Variants in JAKMIP3 observed in about 807,000 individuals in gnomAD.
The protein encoded by JAKMIP3 is janus kinase and microtubule-interacting protein 3.
In JAKMIP3, 58 loss-of-function variants were observed where a neutral mutation model predicts 118.5. The observed-to-expected ratio is 0.49, with a 90% CI of 0.40 to 0.61. The LOEUF (loss-of-function observed/expected upper bound fraction) is 0.61, where lower values mean the gene tolerates loss of function less well. Ranked by LOEUF, JAKMIP3 falls within the 20% of genes least tolerant of loss-of-function variation. The probability of loss-of-function intolerance (pLI) is 0.00; values close to 1 mark genes in which losing one functional copy is unlikely to be tolerated. For synonymous variants in JAKMIP3, 486 were observed against 451.2 expected, an observed-to-expected ratio of 1.08 and a Z score of -0.98; for missense variants, 950 against 1,109.0, an observed-to-expected ratio of 0.86 and a Z score of 2.04.
upstream of JAKMIP3, among the ~76,000 whole-genome samples, chr10:132,063,884 G>A (rs543276399): frequency 6.6e-6 from 1 of 152,164 alleles, no homozygotes; most frequent in Non-Finnish European, 1.5e-5. Flanking sequence ...TGGTATCTAC[G>A]CTTTCAGGCT....
At chr10:132,170,058 A>C (rs2059334929) in intron 23 of JAKMIP3, 1 of 152,288 alleles carries the variant, frequency 6.6e-6, no homozygotes, top group Admixed American at 6.5e-5. Flanking sequence ...GCAGAGGTTC[A>C]TTCTAGAAGG....
chr10:132,093,510 G>A (rs936302967), intron 1 of JAKMIP3, among the ~76,000 whole-genome samples: 6 of 152,162 alleles, frequency 3.9e-5, no homozygotes, highest in Admixed American at 3.9e-4. Context: ...AATGAGCGAG[G>A]CTCCGTGGGC....
intron 1 of JAKMIP3, among the ~76,000 whole-genome samples, chr10:132,040,225 C>T (rs2037687846): frequency 6.6e-6 from 1 of 152,204 alleles, no homozygotes; most frequent in Non-Finnish European, 1.5e-5. Flanking sequence ...GGGCTCTCTC[C>T]ACAGGGCACA....
intron 1 of JAKMIP3, among the ~76,000 whole-genome samples, chr10:132,087,692 T>C (rs2042570330): frequency 6.6e-6 from 1 of 151,838 alleles, no homozygotes; most frequent in Admixed American, 6.6e-5. Context: ...AGTGTGTCCA[T>C]TGTTTCCTGA....
chr10:132,134,945 A>ACGGCAGCGTTTTTGTTC, intron 4 of JAKMIP3, 96 bp from the exon 5 acceptor site: 1 of 1,466,452 alleles, frequency 6.8e-7, no homozygotes, highest in Middle Eastern at 1.9e-4. Flanking sequence ...CGCGCGTCCC[A>ACGGCAGCGTTTTTGTTC]CGGCAGCGTT....
rs771434869 is a variant in JAKMIP3, at chr10:132,145,127, C to T, written c.1623C>T (p.Ala541=). The change falls in exon 12 of 24, where the codon GCC becomes GCT. Residue 541 remains alanine (A), a synonymous_variant. Coordinates refer to ENST00000684848, the MANE Select transcript of JAKMIP3 (RefSeq NM_001323087.2). The stretch of plus-strand genomic sequence containing the variant: ...TACAGACCCGTGAGCAGCTACAAGC[C>T]GAAGTGCAGAGGGCACAGGCGCGGA... The part of the protein sequence containing the change: ...REVKTREQLQ[A]EVQRAQARIE... 61 of 1,612,298 alleles carry T rather than the reference C, an allele frequency of 3.8e-5. No homozygotes were observed. The highest frequency in any genetic ancestry group is 1.7e-4 in the Admixed American group (10 of 59,954).
intron 1 of JAKMIP3, among the ~76,000 whole-genome samples, chr10:132,039,361 G>A (rs1388756423): frequency 3.5e-5 from 5 of 141,756 alleles, no homozygotes; most frequent in Non-Finnish European, 4.6e-5. Context: ...CCAGGCCCCC[G>A]TCTGCCCTGC....
chr10:132,071,883 T>TCTTTCTTTCCTTTCTTTCTTTCCTTC lies in JAKMIP3; in HGVS notation c.-138+5842_-138+5843insTCCTTCCTTTCTTTCCTTTCTTTCTT, dbSNP rs2039977619. On this transcript the variant is annotated intron_variant, in intron 1 of 23. Transcript: ENST00000684848. Reference sequence around the variant, plus strand: ...CTTTCCTTTCTTTCTTTCCTTCCTTTCTTTCTTTCCTTTCTTTCTTCCCTT... The same window carrying TCTTTCTTTCCTTTCTTTCTTTCCTTC: ...CTTTCCTTTCTTTCTTTCCTTCCTTTCTTTCTTTCCTTTCTTTCTTTCCTTCCTTTCTTTCCTTTCTTTCTTCCCTT... Among the ~76,000 whole-genome samples the TCTTTCTTTCCTTTCTTTCTTTCCTTC allele has an allele frequency of 3.8e-4, 15 of 39,214 alleles. No individual in the cohort carries two copies. The South Asian group carries it at 9.1e-3, about 24-fold the overall frequency. 25.7% of individuals were successfully genotyped at this position (39,214 alleles called of 152,430 possible). A position where few individuals can be genotyped will look rare whatever the true frequency, so the allele number is the denominator to read the frequency against.
In JAKMIP3 at chr10:132,117,444, T is replaced by C. The variant is rs1016145065; in HGVS notation, c.503T>C (p.Val168Ala). ...GAGCTCAAGGGCGCCAAAAGGCAGG[T>C]GGAGGAGGCGCTGACGCTGGTGATC... ...ISELKGAKRQ[V>A]EEALTLVIQA... Residue 168 changes from valine (V) to alanine (A), a missense_variant, in exon 3 of 24, where the codon GTG becomes GCG. Coordinates refer to ENST00000684848, the MANE Select transcript of JAKMIP3 (RefSeq NM_001323087.2). The surrounding 1 kb of genome is among the most constrained non-coding windows in gnomAD (Gnocchi z 8.6). The C allele has an allele frequency of 6.2e-7, 1 of 1,613,472 alleles. No homozygotes were observed. Among genetic ancestry groups the C allele is most frequent in the Non-Finnish European group, 8.5e-7 (1 of 1,179,840 alleles).
intron 1 of JAKMIP3, among the ~76,000 whole-genome samples, chr10:132,068,886 GTC>G (rs1205224651): frequency 6.6e-6 from 1 of 152,080 alleles, no homozygotes; most frequent in African/African-American, 2.4e-5. Flanking sequence ...CAGAGAATTG[GTC>G]TCCAGAAAAA....
In JAKMIP3 at chr10:132,180,672, TGTGCGCGC is replaced by T. The variant is rs1445157689; in HGVS notation, c.*1104-1683_*1104-1676del. On this transcript the variant is annotated intron_variant, in intron 23 of 23. Transcript: ENST00000684848. ...GTGTGCGTGTGCGTGTGTGCGTGTG[TGTGCGCGC>T]GCGTGTGTGTGCGTGCGTGTGTGTG... is the stretch of plus-strand genomic sequence containing the variant. Among the ~76,000 whole-genome samples, 21 of 31,044 alleles carry T rather than the reference TGTGCGCGC, an allele frequency of 6.8e-4. 4 individuals carry two copies. Among genetic ancestry groups the T allele is most frequent in the East Asian group, 2.3e-3 (1 of 440 alleles). 20.4% of individuals were successfully genotyped at this position (31,044 alleles called of 152,430 possible).
At chr10:132,162,079 C>A (rs2058410467) in intron 19 of JAKMIP3, among the ~76,000 whole-genome samples, 1 of 123,526 alleles carries the variant, frequency 8.1e-6, no homozygotes, top group Non-Finnish European at 2.0e-5. Context: ...CCTCAGGTGA[C>A]CCACAGGCCT....
chr10:132,180,554 CATGCGTGTGTGTGCGTGT>C, intron 23 of JAKMIP3, among the ~76,000 whole-genome samples: 1 of 4,334 alleles, frequency 2.3e-4, no homozygotes, highest in South Asian at 6.1e-3. Flanking sequence ...TGCGTGCGTG[CATGCGTGTGTGTGCGTGT>C]GTGTGTGCGT....
At position 132,145,457 on chromosome 10, in the gene JAKMIP3, T is replaced by G. The variant is rs114356782; in HGVS notation, c.1687-61T>G. The G allele has an allele frequency of 8.8e-4, 1,271 of 1,441,122 alleles. 14 individuals carry two copies. In the African/African-American group the frequency reaches 0.016, roughly 18 times the overall value. The allele number at this position is 1,441,122 out of a possible 1,614,324, so 89.3% of individuals were successfully genotyped here. A position where few individuals can be genotyped will look rare whatever the true frequency, so the allele number is the denominator to read the frequency against. ...TTTGGTGTTCTGCCACATCACGATT[T>G]AAACGTTGGTTTATGAGTTCCTCCC... On this transcript the variant is annotated intron_variant, in intron 12 of 23. Transcript: ENST00000684848.
At chr10:132,136,124 A>T (rs747941660) in intron 6 of JAKMIP3, 48 bp downstream of exon 6, 2 of 1,593,190 alleles carry the variant, frequency 1.3e-6, no homozygotes, top group South Asian at 1.1e-5. Context: ...CCCGAGCTCC[A>T]GGCAGCATCT....
chr10:132,106,194 C>G (rs2045876933), intron 2 of JAKMIP3, among the ~76,000 whole-genome samples: 1 of 152,012 alleles, frequency 6.6e-6, no homozygotes, highest in Admixed American at 6.6e-5. Context: ...ACACATTACG[C>G]AGGTGCGGTG....
At chr10:132,105,032 A>G (rs1268710907) in intron 2 of JAKMIP3, 89 bp downstream of exon 2, 1 of 1,452,580 alleles carries the variant, frequency 6.9e-7, no homozygotes, top group Non-Finnish European at 9.3e-7. Context: ...GGGTTTGGCC[A>G]GATCCCTGTG....
chr10:132,166,874 A>T lies in JAKMIP3; in HGVS notation c.2491-109A>T, dbSNP rs564741337. The T allele has an allele frequency of 6.4e-6, 5 of 786,792 alleles. No homozygotes were observed. The African/African-American group carries it at 8.7e-5, about 14-fold the overall frequency. The allele number at this position is 786,792 out of a possible 1,614,324, so 48.7% of individuals were successfully genotyped here. The stretch of plus-strand genomic sequence containing the variant: ...TAATAGCGTCCTCTCCTCCCTGCCA[A>T]CAGCTCTGTCTTCAGTCTGTAATCG... On this transcript the variant is annotated intron_variant, in intron 21 of 23. Transcript: ENST00000684848.
intron 1 of JAKMIP3, among the ~76,000 whole-genome samples, chr10:132,083,117 C>T (rs1393315879): frequency 6.6e-6 from 1 of 152,204 alleles, no homozygotes; most frequent in Non-Finnish European, 1.5e-5. Context: ...CACTGTTTTC[C>T]ATAGTGGCTG....
Sources: gnomAD v4.1 joint callset for allele counts (sites outside exome capture counted in the v4.1 genomes callset) on GRCh38, gnomAD v4.1.1 for gene constraint, Gnocchi (gnomAD v3.1) non-coding constraint, MANE v1.5 for transcripts, NCBI Gene and HGNC (gene_info 2026-07-23, HGNC 2026-07-21) for gene names.